Variants in ATP23 observed in about 807,000 individuals in gnomAD.
ATP23 encodes the protein mitochondrial inner membrane protease ATP23 homolog.
ATP23 carries 24 observed loss-of-function variants against 28.5 expected under a neutral mutation model. The observed-to-expected ratio is 0.84, with a 90% CI of 0.61 to 1.18. The LOEUF (loss-of-function observed/expected upper bound fraction) is 1.18. Among genes scored for constraint, ATP23 ranks in the 50% most tolerant of loss-of-function variants. The probability of loss-of-function intolerance (pLI) is 0.00; values close to 1 mark genes in which losing one functional copy is unlikely to be tolerated. For missense variants in ATP23, 274 were observed against 306.4 expected (o/e 0.89, Z 0.79); for synonymous variants, 99 against 108.6 (o/e 0.91, Z 0.55).
At chr12:57,942,119 C>T (rs1956711079) in intron 1 of ATP23, among the ~76,000 whole-genome samples, 1 of 152,170 alleles carries the variant, frequency 6.6e-6, no homozygotes, top group African/African-American at 2.4e-5. Context: ...TTTGTCTGCC[C>T]TTTTTTGTCA....
intron 2 of ATP23, among the ~76,000 whole-genome samples, 158 bp downstream of exon 2, chr12:57,945,831 C>G (rs1956754885): frequency 6.7e-6 from 1 of 149,800 alleles, no homozygotes; most frequent in African/African-American, 2.5e-5. Flanking sequence ...CCGGGCTGGC[C>G]TTGTTCTCTT....
Position 57,956,669 on chromosome 12 carries a change from A to T in ATP23, c.538-18A>T, listed in dbSNP as rs751952126. On this transcript the variant is annotated intron_variant, in intron 5 of 5. Transcript: ENST00000300145. ...TGTTTATATAAAATTAGAGCCTCATACTTTTCCTTCTTTTTAGACTTGTGT... is the reference window on the plus strand; with the variant it reads ...TGTTTATATAAAATTAGAGCCTCATTCTTTTCCTTCTTTTTAGACTTGTGT... The T allele has an allele frequency of 6.4e-7, 1 of 1,563,420 alleles. No homozygotes were observed. Among genetic ancestry groups the T allele is most frequent in the South Asian group, 1.2e-5 (1 of 82,758 alleles).
chr12:57,950,733 T>C (rs117602465), intron 3 of ATP23, among the ~76,000 whole-genome samples: 8 of 152,004 alleles, frequency 5.3e-5, no homozygotes, highest in African/African-American at 1.9e-4. Context: ...TTTGCTCTGT[T>C]GCCCAGGCTG....
intron 3 of ATP23, among the ~76,000 whole-genome samples, chr12:57,951,118 T>G (rs1275422720): frequency 6.6e-6 from 1 of 152,224 alleles, no homozygotes; most frequent in Non-Finnish European, 1.5e-5. Flanking sequence ...TGTGCTGTTG[T>G]GTTTTGCACT....
intron 3 of ATP23, among the ~76,000 whole-genome samples, chr12:57,950,263 C>T (rs1055181985): frequency 2.6e-5 from 4 of 152,180 alleles, no homozygotes; most frequent in Admixed American, 6.5e-5. Flanking sequence ...GGATTTGGCC[C>T]CCCGACCTCA....
intron 1 of ATP23, among the ~76,000 whole-genome samples, chr12:57,944,471 T>G (rs1956740601): frequency 6.6e-6 from 1 of 152,212 alleles, no homozygotes; most frequent in Non-Finnish European, 1.5e-5. Flanking sequence ...CCATAGAGTC[T>G]TAGATGTGGA....
chr12:57,947,433 G>A lies in ATP23; in HGVS notation c.315+357G>A, dbSNP rs142220172. On this transcript the variant is annotated intron_variant, in intron 3 of 5. Coordinates refer to ENST00000300145, the MANE Select transcript of ATP23 (RefSeq NM_033276.4). ...AGCAGGGACAGAGCAGGGGCAGCAT[G>A]AGCAAAAGTGCATGCTACGAAACTG... 9.3e-3 allele frequency among the ~76,000 whole-genome samples: 1,409 copies of A among 152,282 alleles called. 12 individuals carry two copies. Among genetic ancestry groups the A allele is most frequent in the Middle Eastern group, 0.037 (11 of 294 alleles).
At chr12:57,946,911 T>G (rs904026840) in intron 2 of ATP23, 84 bp from the exon 3 acceptor site, 24 of 1,121,970 alleles carry the variant, frequency 2.1e-5, no homozygotes, top group Non-Finnish European at 2.9e-5. Flanking sequence ...TACTATATGG[T>G]GGAGGGTCTC....
At position 57,957,506 on chromosome 12, in the gene ATP23, C is replaced by T. The variant is rs1287231170; in HGVS notation, c.*616C>T. Among the ~76,000 whole-genome samples, 2 of 152,120 alleles carry T rather than the reference C, an allele frequency of 1.3e-5. No individual in the cohort carries two copies. Among genetic ancestry groups the T allele is most frequent in the Non-Finnish European group, 2.9e-5 (2 of 68,018 alleles). On this transcript the variant is annotated 3_prime_UTR_variant, in exon 6 of 6. Transcript: ENST00000300145. ...CAGCAATACTGAGAGGACCCACAGACCCTCTGAAGGAAGCGACTGCTCCTA... is the reference window on the plus strand; with the variant it reads ...CAGCAATACTGAGAGGACCCACAGATCCTCTGAAGGAAGCGACTGCTCCTA...
chr12:57,943,628 CTGTTAT>C (rs1052244721), intron 1 of ATP23, among the ~76,000 whole-genome samples: 1 of 151,844 alleles, frequency 6.6e-6, no homozygotes, highest in African/African-American at 2.4e-5. Flanking sequence ...CTGCAGTGAG[CTGTTAT>C]TGCATCACTG....
Position 57,956,927 on chromosome 12 carries a change from T to A in ATP23, c.*37T>A, listed in dbSNP as rs762487963. 2.6e-6 allele frequency: 4 copies of A among 1,535,188 alleles called. No homozygotes were observed. Among genetic ancestry groups the A allele is most frequent in the Admixed American group, 2.3e-5 (1 of 43,530 alleles). The stretch of plus-strand genomic sequence containing the variant: ...TTTTTATATTACAGAGCTTCCATCA[T>A]CATGAAGAAAAAAAAATTTGGTTCT... On this transcript the variant is annotated 3_prime_UTR_variant, in exon 6 of 6. Transcript: ENST00000300145.
Position 57,941,737 on chromosome 12 carries a change from C to G in ATP23, c.36C>G (p.Pro12=). 3 of 1,597,948 alleles carry G rather than the reference C, an allele frequency of 1.9e-6. No individual in the cohort carries two copies. The highest frequency in any genetic ancestry group is 1.7e-6 in the Non-Finnish European group (2 of 1,173,264). The change falls in exon 1 of 6, where the codon CCC becomes CCG. Residue 12 remains proline, a synonymous_variant. Transcript: ENST00000300145. The part of the protein sequence containing the change: ...AGAPDERRRG[P]AAGEQLQQQH... ...CTCCGGACGAGCGCCGGCGGGGCCC[C>G]GCGGCAGGGGAGCAGCTGCAGCAGC...
At chr12:57,956,131 GA>G (rs1475984274) in intron 5 of ATP23, among the ~76,000 whole-genome samples, 7 of 151,758 alleles carry the variant, frequency 4.6e-5, no homozygotes, top group African/African-American at 7.3e-5. Flanking sequence ...GAACAATCAG[GA>G]AAAAAAAGTT....
chr12:57,952,942 T>C (rs569548276), intron 4 of ATP23, among the ~76,000 whole-genome samples: 16 of 152,332 alleles, frequency 1.1e-4, no homozygotes, highest in Admixed American at 2.6e-4. Flanking sequence ...CATTGAAGTA[T>C]AGTAAATCTG....
intron 5 of ATP23, among the ~76,000 whole-genome samples, chr12:57,955,487 A>G (rs1475005630): frequency 2.0e-5 from 3 of 152,214 alleles, no homozygotes; most frequent in African/African-American, 7.2e-5. Context: ...GCTTTTGTAC[A>G]GCATGTACCC....
In ATP23 at chr12:57,956,726, G is replaced by C. The variant is rs1469109372; in HGVS notation, c.577G>C (p.Val193Leu). 6.2e-7 allele frequency: 1 copy of C among 1,613,752 alleles called. No homozygotes were observed. Among genetic ancestry groups the C allele is most frequent in the African/African-American group, 1.3e-5 (1 of 74,908 alleles). ...RDRATLSILA[V>L]RNISKEVAKK... ...CAGAGCCACTCTTTCTATCCTGGCT[G>C]TTAGGAATATCAGCAAAGAAGTAGC... The change falls in exon 6 of 6, where the codon GTT becomes CTT. Residue 193 changes from valine (V) to leucine (L), a missense_variant. Transcript: ENST00000300145.
intron 3 of ATP23, among the ~76,000 whole-genome samples, chr12:57,950,566 C>A (rs1956805758): frequency 6.6e-6 from 1 of 151,700 alleles, no homozygotes; most frequent in Non-Finnish European, 1.5e-5. Context: ...CCTTTCTTGC[C>A]CAGGCTGGAG....
intron 2 of ATP23, among the ~76,000 whole-genome samples, chr12:57,946,303 A>G (rs1415396558): frequency 6.6e-6 from 1 of 152,162 alleles, no homozygotes; most frequent in Non-Finnish European, 1.5e-5. Flanking sequence ...AAGAAATCTC[A>G]GCTTGTTATG....
rs1956880502 is a variant in ATP23, at chr12:57,957,550, C to T, written c.*660C>T. ...GCTCCTACAGTGCCCAGGAGACACC[C>T]CAAATACTGTGAGTGCCCAACTGCA... is the stretch of plus-strand genomic sequence containing the variant. On this transcript the variant is annotated 3_prime_UTR_variant, in exon 6 of 6. Coordinates refer to ENST00000300145, the MANE Select transcript of ATP23 (RefSeq NM_033276.4). Among the ~76,000 whole-genome samples the T allele has an allele frequency of 6.6e-6, 1 of 152,156 alleles. No homozygotes were observed. The highest frequency in any genetic ancestry group is 1.5e-5 in the Non-Finnish European group (1 of 68,028).
Sources: allele counts gnomAD v4.1 joint callset (sites outside exome capture counted in the v4.1 genomes callset), GRCh38; gene constraint gnomAD v4.1.1; transcripts MANE v1.5; gene names NCBI Gene and HGNC (gene_info 2026-07-23, HGNC 2026-07-21).